CSMD1: variants seen among roughly 807,000 people sequenced by gnomAD.
The protein encoded by CSMD1 is CUB and sushi domain-containing protein 1.
CSMD1 carries 213 observed loss-of-function variants against 417.5 expected under a neutral mutation model. The ratio of observed to expected loss-of-function variants is 0.51; its 90% CI spans 0.46 to 0.57. The LOEUF is 0.57. Among genes scored for constraint, CSMD1 ranks in the 20% least tolerant of loss-of-function variants. The pLI, the probability that CSMD1 is intolerant of heterozygous loss-of-function variation, is 0.00. For missense variants in CSMD1, 6,923 were observed against 4,529.7 expected (o/e 1.53, Z -15.17); for synonymous variants, 2,862 against 1,736.8 (o/e 1.65, Z -16.11).
intron 3 of CSMD1, among the ~76,000 whole-genome samples, chr8:4,393,139 CT>C (rs1246855519): frequency 6.6e-6 from 1 of 151,992 alleles, no homozygotes; most frequent in African/African-American, 2.4e-5. Flanking sequence ...CCACGCCCGA[CT>C]AATTTTTGTA....
Position 2,997,919 on chromosome 8 carries a change from C to T in CSMD1, c.8377+92G>A, listed in dbSNP as rs945780063. 3.9e-6 allele frequency: 5 copies of T among 1,266,156 alleles called. No individual in the cohort carries two copies. The African/African-American group carries it at 7.5e-5, about 19-fold the overall frequency. 78.4% of individuals were successfully genotyped at this position (1,266,156 alleles called of 1,614,324 possible). ...GTTTGCAGAACTCTTTATGCATTAC[C>T]CTTGATTCATGGAGACAGGCTCTTG... On this transcript the variant is annotated intron_variant, in intron 54 of 69. Transcript: ENST00000635120.
chr8:3,039,832 C>A (rs1294705534), intron 50 of CSMD1, among the ~76,000 whole-genome samples: 1 of 152,200 alleles, frequency 6.6e-6, no homozygotes, highest in Non-Finnish European at 1.5e-5. Context: ...TCGTTTAGCA[C>A]TGATACATGC....
In CSMD1 at chr8:3,373,315, A is replaced by C. The variant is rs1239032725; in HGVS notation, c.2783-3945T>G. The C allele has an allele frequency of 2.0e-5, 3 of 152,326 alleles. No individual in the cohort carries two copies. The East Asian group carries it at 5.8e-4, about 29-fold the overall frequency. 9.4% of individuals were successfully genotyped at this position (152,326 alleles called of 1,614,324 possible). The stretch of plus-strand genomic sequence containing the variant: ...TCCATACCACACACAGAACCCGGAA[A>C]TCACTGACCAGCCCCGTCATGCTGC... On this transcript the variant is annotated intron_variant, in intron 18 of 69. Transcript: ENST00000635120.
At chr8:4,597,393 C>T (rs1016998760) in intron 2 of CSMD1, among the ~76,000 whole-genome samples, 1 of 152,100 alleles carries the variant, frequency 6.6e-6, no homozygotes, top group Non-Finnish European at 1.5e-5. Flanking sequence ...TTGACCTGAC[C>T]AAGGTTAAAT....
At chr8:3,187,269 T>A (rs910412669) in intron 36 of CSMD1, among the ~76,000 whole-genome samples, 1 of 152,138 alleles carries the variant, frequency 6.6e-6, no homozygotes, top group African/African-American at 2.4e-5. Flanking sequence ...AGGCAGGATA[T>A]CCTGTTAAAC....
At chr8:3,231,261 G>C (rs1278636181) in intron 26 of CSMD1, among the ~76,000 whole-genome samples, 1 of 151,986 alleles carries the variant, frequency 6.6e-6, no homozygotes, top group African/African-American at 2.4e-5. Flanking sequence ...CTTTCAGTTA[G>C]AATAACGAGC....
intron 5 of CSMD1, among the ~76,000 whole-genome samples, chr8:3,957,080 T>A: frequency 6.6e-6 from 1 of 152,102 alleles, no homozygotes; most frequent in African/African-American, 2.4e-5. Context: ...CGGGGGAGGC[T>A]CTGTATATGT....
chr8:3,912,241 C>A (rs1808510752), intron 5 of CSMD1, among the ~76,000 whole-genome samples: 3 of 152,116 alleles, frequency 2.0e-5, no homozygotes, highest in Admixed American at 6.5e-5. Flanking sequence ...GGGGCATGAA[C>A]TTACTGGGAA....
intron 5 of CSMD1, among the ~76,000 whole-genome samples, chr8:3,995,224 G>C (rs1815111161): frequency 6.6e-6 from 1 of 152,078 alleles, no homozygotes; most frequent in Non-Finnish European, 1.5e-5. Flanking sequence ...TGCTCCTGTA[G>C]GTTTCCATAG....
intron 1 of CSMD1, among the ~76,000 whole-genome samples, chr8:4,834,706 C>T (rs572656711): frequency 6.6e-6 from 1 of 151,806 alleles, no homozygotes; most frequent in Non-Finnish European, 1.5e-5. Flanking sequence ...CCTGTAATCC[C>T]AGCACTTTGG....
chr8:4,931,502 T>C (rs1243606479), intron 1 of CSMD1, among the ~76,000 whole-genome samples: 2 of 152,192 alleles, frequency 1.3e-5, no homozygotes, highest in Non-Finnish European at 1.5e-5. Context: ...TGTTATTATG[T>C]TATGTATCCA....
chr8:4,786,839 C>T (rs9314540), intron 1 of CSMD1, among the ~76,000 whole-genome samples: 18,777 of 152,044 alleles, frequency 0.12, 1,319 homozygotes, highest in East Asian at 0.27. Flanking sequence ...ACAATTCAGA[C>T]TATGAATGAT....
At chr8:3,223,216 T>C (rs1269611643) in intron 28 of CSMD1, among the ~76,000 whole-genome samples, 2 of 152,304 alleles carry the variant, frequency 1.3e-5, no homozygotes, top group African/African-American at 2.4e-5. Flanking sequence ...AAGTACAAGT[T>C]AGCATATTTT....
At chr8:3,020,106 C>G (rs1035151175) in intron 51 of CSMD1, among the ~76,000 whole-genome samples, 1 of 152,152 alleles carries the variant, frequency 6.6e-6, no homozygotes, top group Non-Finnish European at 1.5e-5. Flanking sequence ...CTGGTTCTGC[C>G]AGACAGGAGC....
Position 4,506,844 on chromosome 8 carries a change from T to C in CSMD1, c.303-86779A>G, listed in dbSNP as rs369453859. On this transcript the variant is annotated intron_variant, in intron 2 of 69. Coordinates refer to ENST00000635120, the MANE Select transcript of CSMD1 (RefSeq NM_033225.6). ...TTTTAAATTAGGATAGAAATCCATGTCTTATATTTGTACGATTGATAAGTT... is the reference window on the plus strand; with the variant it reads ...TTTTAAATTAGGATAGAAATCCATGCCTTATATTTGTACGATTGATAAGTT... Among the ~76,000 whole-genome samples, 3 of 152,350 alleles carry C rather than the reference T, an allele frequency of 2.0e-5. No individual in the cohort carries two copies. The East Asian group carries it at 5.8e-4, about 29-fold the overall frequency.
intron 2 of CSMD1, among the ~76,000 whole-genome samples, chr8:4,613,603 C>T (rs1244500105): frequency 6.6e-6 from 1 of 152,124 alleles, no homozygotes; most frequent in African/African-American, 2.4e-5. Flanking sequence ...ACTTTTTTCA[C>T]CCTCTTTTTG....
At chr8:3,275,347 T>C (rs897974416) in intron 26 of CSMD1, among the ~76,000 whole-genome samples, 3 of 152,178 alleles carry the variant, frequency 2.0e-5, no homozygotes, top group African/African-American at 7.2e-5. Context: ...CCTTTCTCTC[T>C]GGCTGCCCTT....
intron 5 of CSMD1, among the ~76,000 whole-genome samples, chr8:3,941,283 A>C (rs78603504): frequency 0.06 from 9,082 of 152,238 alleles, 299 homozygotes; most frequent in South Asian, 0.077. Context: ...ACAAATTCCC[A>C]AAATATTATT....
At chr8:4,744,037 G>A (rs547605171) in intron 1 of CSMD1, among the ~76,000 whole-genome samples, 6 of 152,304 alleles carry the variant, frequency 3.9e-5, no homozygotes, top group East Asian at 3.9e-4. Context: ...GCTGGCACAC[G>A]CAGCCCCGTT....
Sources: allele counts gnomAD v4.1 joint callset (sites outside exome capture counted in the v4.1 genomes callset), GRCh38; gene constraint gnomAD v4.1.1; transcripts MANE v1.5; gene names NCBI Gene and HGNC (gene_info 2026-07-23, HGNC 2026-07-21).